Variants in DLGAP3 observed in about 807,000 individuals in gnomAD.
DLGAP3 encodes the protein disks large-associated protein 3.
A neutral mutation model predicts 81.2 loss-of-function variants in DLGAP3; 17 were observed. That is an observed-to-expected ratio of 0.21 (90% CI 0.14 to 0.31). DLGAP3 has a LOEUF of 0.31. Ranked by LOEUF, DLGAP3 falls within the 10% of genes least tolerant of loss-of-function variation. DLGAP3 has a pLI of 1.00. For synonymous variants in DLGAP3, 577 were observed against 587.4 expected (o/e 0.98, Z 0.26); for missense variants, 1,124 against 1,388.0 (o/e 0.81, Z 3.02).
intron 1 of DLGAP3, among the ~76,000 whole-genome samples, chr1:34,915,389 C>G (rs1639701282): frequency 6.6e-6 from 1 of 152,188 alleles, no homozygotes. Flanking sequence ...CTGCCAGGGC[C>G]ATCAAAGAAT....
chr1:34,905,898 T>A (rs1639543339), intron 2 of DLGAP3, among the ~76,000 whole-genome samples: 1 of 151,106 alleles, frequency 6.6e-6, no homozygotes, highest in African/African-American at 2.4e-5. Context: ...CCCAGCTACT[T>A]GGGAAGCTGA....
At chr1:34,915,916 A>G (rs1639710356) in intron 1 of DLGAP3, among the ~76,000 whole-genome samples, 1 of 152,060 alleles carries the variant, frequency 6.6e-6, no homozygotes, top group Non-Finnish European at 1.5e-5. Flanking sequence ...CCTTCCCCTA[A>G]AATTGCCCTC....
chr1:34,879,154 A>G (rs1273180159), intron 8 of DLGAP3, among the ~76,000 whole-genome samples: 1 of 151,932 alleles, frequency 6.6e-6, no homozygotes, highest in East Asian at 1.9e-4. Context: ...AGCACATTAC[A>G]TTTATTGGGC....
Position 34,892,661 on chromosome 1 carries a change from G to A in DLGAP3, c.1387-6376C>T, listed in dbSNP as rs568203089. ...ACTTCCCAAGTGGCTAGGGCTACAG[G>A]TGCCCACTACTGTGCCTACCTACCA... On this transcript the variant is annotated intron_variant, in intron 5 of 11. Transcript: ENST00000373347. Among the ~76,000 whole-genome samples the A allele has an allele frequency of 2.0e-3, 305 of 151,284 alleles. 1 individual carries two copies. The highest frequency in any genetic ancestry group is 6.8e-3 in the Middle Eastern group (2 of 294).
chr1:34,885,681 C>T lies in DLGAP3; in HGVS notation c.1711G>A (p.Ala571Thr). ...STDSAHESFT[A>T]AEGPARRCSS... ...CAGCGCCGGGCGGGGCCCTCGGCCG[C>T]CGTGAAGCTCTCGTGCGCGGAGTCG... Residue 571 changes from alanine (A) to threonine (T), a missense_variant, in exon 7 of 12, where the codon GCG (alanine) becomes ACG (threonine). Physicochemically the swap from Ala to Thr is moderately conservative, Grantham distance 58. Coordinates refer to ENST00000373347, the MANE Select transcript of DLGAP3 (RefSeq NM_001080418.3). The T allele has an allele frequency of 1.4e-6, 2 of 1,408,750 alleles. No homozygotes were observed. The highest frequency in any genetic ancestry group is 3.2e-5 in the South Asian group (2 of 62,230). 87.3% of individuals were successfully genotyped at this position (1,408,750 alleles called of 1,614,324 possible). A position where few individuals can be genotyped will look rare whatever the true frequency, so the allele number is the denominator to read the frequency against.
At chr1:34,885,129 C>T (rs1408215515) in intron 7 of DLGAP3, 66 bp from the exon 8 acceptor site, 2 of 1,459,362 alleles carry the variant, frequency 1.4e-6, no homozygotes, top group South Asian at 2.3e-5. Flanking sequence ...CCGGGGAGAA[C>T]GGCTAGCAAT....
rs753242361 is a variant in DLGAP3, at chr1:34,900,534, G to A, written c.1108-261C>T. ...GGGAGTGACATGGCAGGCGTCAAGCGGTTGATGATCAGAGGCCAAAGTGAC... is the reference window on the plus strand; with the variant it reads ...GGGAGTGACATGGCAGGCGTCAAGCAGTTGATGATCAGAGGCCAAAGTGAC... On this transcript the variant is annotated intron_variant, in intron 3 of 11. Coordinates refer to ENST00000373347, the MANE Select transcript of DLGAP3 (RefSeq NM_001080418.3). The surrounding 1 kb of genome is among the most constrained non-coding windows in gnomAD (Gnocchi z 5.6). Among the ~76,000 whole-genome samples, 4 of 152,186 alleles carry A rather than the reference G, an allele frequency of 2.6e-5. No homozygotes were observed. The highest frequency in any genetic ancestry group is 1.3e-4 in the Admixed American group (2 of 15,280).
intron 8 of DLGAP3, among the ~76,000 whole-genome samples, chr1:34,869,491 T>TA (rs368155845): frequency 2.0e-4 from 29 of 148,700 alleles, no homozygotes; most frequent in African/African-American, 6.9e-4. Context: ...TTTTTTTTTT[T>TA]TTTTTTTTTT....
intron 8 of DLGAP3, 83 bp from the exon 9 acceptor site, chr1:34,869,172 G>A: frequency 2.0e-6 from 2 of 1,023,456 alleles, no homozygotes; most frequent in East Asian, 2.5e-5. Flanking sequence ...AAAAGGAAGG[G>A]AATGAGAAAG....
chr1:34,908,839 C>T (rs1273350013), intron 1 of DLGAP3, among the ~76,000 whole-genome samples: 1 of 152,196 alleles, frequency 6.6e-6, no homozygotes, highest in Non-Finnish European at 1.5e-5. Context: ...GGTGACCTCA[C>T]AGATACCAAC....
intron 1 of DLGAP3, among the ~76,000 whole-genome samples, chr1:34,928,731 G>GCACA (rs147710532): frequency 2.7e-5 from 4 of 148,912 alleles, no homozygotes; most frequent in Admixed American, 6.7e-5. Context: ...GCGCGCACAC[G>GCACA]CACACACACA....
At chr1:34,874,234 T>C (rs1639018559) in intron 8 of DLGAP3, among the ~76,000 whole-genome samples, 1 of 152,146 alleles carries the variant, frequency 6.6e-6, no homozygotes, top group Non-Finnish European at 1.5e-5. Flanking sequence ...CCTGACACTG[T>C]GGGGCATCTA....
At chr1:34,920,663 C>T (rs1304690702) in intron 1 of DLGAP3, among the ~76,000 whole-genome samples, 2 of 152,206 alleles carry the variant, frequency 1.3e-5, no homozygotes, top group Non-Finnish European at 2.9e-5. Flanking sequence ...ACTGGTCTCC[C>T]TGCCTTGCAT....
At position 34,868,550 on chromosome 1, in the gene DLGAP3, A is replaced by T; in HGVS notation, c.2485+55T>A. Reference sequence around the variant, plus strand: ...CAGCCACCCCCATCAGGGTCTCCTGAGCACACACGAGGCCATGGTCCCCAG... The same window carrying T: ...CAGCCACCCCCATCAGGGTCTCCTGTGCACACACGAGGCCATGGTCCCCAG... On this transcript the variant is annotated intron_variant, in intron 9 of 11. Coordinates refer to ENST00000373347, the MANE Select transcript of DLGAP3 (RefSeq NM_001080418.3). This position sits in a 1 kb window ranked among gnomAD's most constrained non-coding sequence, Gnocchi z 7.5. 6.7e-7 allele frequency: 1 copy of T among 1,485,756 alleles called. No homozygotes were observed. The highest frequency in any genetic ancestry group is 9.4e-7 in the Non-Finnish European group (1 of 1,067,888). The allele number at this position is 1,485,756 out of a possible 1,614,324, so 92.0% of individuals were successfully genotyped here. A position where few individuals can be genotyped will look rare whatever the true frequency, so the allele number is the denominator to read the frequency against.
At position 34,929,473 on chromosome 1, in the gene DLGAP3, C is replaced by T. The variant is rs974569728; in HGVS notation, c.-157G>A. 2.1e-3 allele frequency: 319 copies of T among 148,458 alleles called. 6 individuals carry two copies. The East Asian group carries it at 0.05, about 23-fold the overall frequency. The allele number at this position is 148,458 out of a possible 1,614,324, so 9.2% of individuals were successfully genotyped here. A position where few individuals can be genotyped will look rare whatever the true frequency, so the allele number is the denominator to read the frequency against. ...TACCTGGCCCGGCTCGGGCTCCGGCCGGGTTACATGGTGCCGGCGGCCCGG... is the reference window on the plus strand; with the variant it reads ...TACCTGGCCCGGCTCGGGCTCCGGCTGGGTTACATGGTGCCGGCGGCCCGG... On this transcript the variant is annotated 5_prime_UTR_variant, in exon 1 of 12. Transcript: ENST00000373347. The surrounding 1 kb of genome is among the most constrained non-coding windows in gnomAD (Gnocchi z 6.5).
intron 1 of DLGAP3, among the ~76,000 whole-genome samples, chr1:34,909,324 C>T (rs1444657998): frequency 6.6e-6 from 1 of 152,178 alleles, no homozygotes; most frequent in Non-Finnish European, 1.5e-5. Flanking sequence ...AGACAGATCA[C>T]CCCTCAACTC....
intron 5 of DLGAP3, among the ~76,000 whole-genome samples, chr1:34,886,795 A>C (rs1001338621): frequency 2.6e-5 from 4 of 151,038 alleles, no homozygotes; most frequent in African/African-American, 9.7e-5. Flanking sequence ...TACATGTACT[A>C]TATATATACT....
intron 8 of DLGAP3, among the ~76,000 whole-genome samples, chr1:34,877,226 A>G (rs1010620480): frequency 1.3e-5 from 2 of 152,218 alleles, no homozygotes; most frequent in African/African-American, 4.8e-5. Flanking sequence ...GGAGCTGGAA[A>G]GAGACCCTGT....
intron 11 of DLGAP3, 84 bp from the exon 12 acceptor site, chr1:34,866,385 G>GCGGGGC: frequency 8.3e-7 from 1 of 1,205,024 alleles, no homozygotes; most frequent in South Asian, 1.6e-5. Context: ...CGCGCCCAGA[G>GCGGGGC]TGCTGACGAC....
Sources: gnomAD v4.1 joint callset for allele counts (sites outside exome capture counted in the v4.1 genomes callset) on GRCh38, gnomAD v4.1.1 for gene constraint, Gnocchi (gnomAD v3.1) non-coding constraint, MANE v1.5 for transcripts, NCBI Gene and HGNC (gene_info 2026-07-23, HGNC 2026-07-21) for gene names.